The following CEBPD variants were observed in gnomAD, a reference collection of about 807,000 sequenced individuals.
The protein encoded by CEBPD is CCAAT/enhancer-binding protein delta.
For missense variants in CEBPD, 410 were observed against 409.4 expected, an observed-to-expected ratio of 1.00 and a Z score of -0.01; for synonymous variants, 227 against 194.8, an observed-to-expected ratio of 1.17 and a Z score of -1.38.
Position 47,737,154 on chromosome 8 carries a change from G to T in CEBPD, c.*157C>A, listed in dbSNP as rs2086263991. 4 of 557,774 alleles carry T rather than the reference G, an allele frequency of 7.2e-6. No individual in the cohort carries two copies. The highest frequency in any genetic ancestry group is 1.2e-5 in the Non-Finnish European group (4 of 330,390). The allele number at this position is 557,774 out of a possible 1,614,324, so 34.6% of individuals were successfully genotyped here. A position where few individuals can be genotyped will look rare whatever the true frequency, so the allele number is the denominator to read the frequency against. On this transcript the variant is annotated 3_prime_UTR_variant, in exon 1 of 1. Transcript: ENST00000408965. ...TAGCTTCTCTCGCAGTTTAGTGGTG[G>T]TAAGTCCAGGCTGTAGCTTCTTTGC...
At position 47,737,515 on chromosome 8, in the gene CEBPD, G is replaced by T; in HGVS notation, c.606C>A (p.Asn202Lys). 6.2e-7 allele frequency: 1 copy of T among 1,605,354 alleles called. No homozygotes were observed. Among genetic ancestry groups the T allele is most frequent in the Non-Finnish European group, 8.5e-7 (1 of 1,177,960 alleles). Residue 202 changes from asparagine (N) to lysine (K), a missense_variant, in exon 1 of 1, where the codon AAC (asparagine) becomes AAA (lysine). Asn to Lys is a moderately conservative substitution (Grantham distance 94). Coordinates refer to ENST00000408965, the MANE Select transcript of CEBPD (RefSeq NM_005195.4). Reference protein sequence around the residue: ...PEYRQRRERNNIAVRKSRDKA... With the variant: ...PEYRQRRERNKIAVRKSRDKA... ...TGTCGCGGCTCTTGCGCACGGCGAT[G>T]TTGTTGCGCTCGCGCCGCTGCCGGT...
rs1339334572 is a variant in CEBPD at position 47,737,937 on chromosome 8, T to G, written c.184A>C (p.Ser62Arg). 6.6e-7 allele frequency: 1 copy of G among 1,505,368 alleles called. No individual in the cohort carries two copies. The highest frequency in any genetic ancestry group is 8.9e-7 in the Non-Finnish European group (1 of 1,122,204). 93.3% of individuals were successfully genotyped at this position (1,505,368 alleles called of 1,614,324 possible). Residue 62 changes from serine to arginine, a missense_variant, in exon 1 of 1, where the codon AGC (serine) becomes CGC (arginine). Ser to Arg is a moderately radical substitution (Grantham distance 110, BLOSUM62 -1). Coordinates refer to ENST00000408965, the MANE Select transcript of CEBPD (RefSeq NM_005195.4). ...GCGGCCATGGAGTCGATGTAGGCGC[T>G]GAAGTCGATGGCGCTCTCGTCGTCG... ...MYDDESAIDFSAYIDSMAAVP... is the reference protein window; with the variant it reads ...MYDDESAIDFRAYIDSMAAVP...
chr8:47,738,052 G>T lies in CEBPD; in HGVS notation c.69C>A (p.Pro23=), dbSNP rs761116162. 7.1e-6 allele frequency: 9 copies of T among 1,260,284 alleles called. No homozygotes were observed. The highest frequency in any genetic ancestry group is 1.0e-6 in the Non-Finnish European group (1 of 1,003,692). 78.1% of individuals were successfully genotyped at this position (1,260,284 alleles called of 1,614,324 possible). A position where few individuals can be genotyped will look rare whatever the true frequency, so the allele number is the denominator to read the frequency against. The stretch of plus-strand genomic sequence containing the variant: ...TGCCCGCCCGGCCCGGTTCGTAGAA[G>T]GGCGCAGGCTCCGCAGGCCAGGGCG... ...RGAPWPAEPA[P]FYEPGRAGKP... The change falls in exon 1 of 1, where the codon CCC becomes CCA. Residue 23 remains proline, a synonymous_variant. Coordinates refer to ENST00000408965, the MANE Select transcript of CEBPD (RefSeq NM_005195.4). The surrounding 1 kb of genome is among the most constrained non-coding windows in gnomAD (Gnocchi z 4.1).
chr8:47,737,612 T>G lies in CEBPD; in HGVS notation c.509A>C (p.Gln170Pro). ...SPEPPRSSPR[Q>P]TPAPGPAREK... ...CCGGGCGGGGCCGGGCGCGGGGGTC[T>G]GCCTGGGGCTGCTGCGCGGCGGCTC... The change falls in exon 1 of 1, where the codon CAG becomes CCG. Residue 170 changes from glutamine to proline, a missense_variant. By Grantham distance (76) the Gln-to-Pro change is moderately conservative. Transcript: ENST00000408965. 4 of 1,339,414 alleles carry G rather than the reference T, an allele frequency of 3.0e-6. No homozygotes were observed. Among genetic ancestry groups the G allele is most frequent in the East Asian group, 6.2e-5 (2 of 32,216 alleles). The allele number at this position is 1,339,414 out of a possible 1,614,324, so 83.0% of individuals were successfully genotyped here. A position where few individuals can be genotyped will look rare whatever the true frequency, so the allele number is the denominator to read the frequency against.
chr8:47,737,424 G>A lies in CEBPD; in HGVS notation c.697C>T (p.Leu233=). 1 of 1,606,562 alleles carries A rather than the reference G, an allele frequency of 6.2e-7. No individual in the cohort carries two copies. Among genetic ancestry groups the A allele is most frequent in the Non-Finnish European group, 8.5e-7 (1 of 1,178,178 alleles). Reference sequence around the variant, plus strand: ...GTGAGCTGCTCCACGCGCTGGTGCAGCTTCTCGTTCTCAGCCGACAGCTCC... The same window carrying A: ...GTGAGCTGCTCCACGCGCTGGTGCAACTTCTCGTTCTCAGCCGACAGCTCC... The part of the protein sequence containing the change: ...LVELSAENEK[L]HQRVEQLTRD... Residue 233 remains leucine (L), a synonymous_variant, in exon 1 of 1, where the codon CTG becomes TTG. Transcript: ENST00000408965.
chr8:47,737,229 G>A lies in CEBPD; in HGVS notation c.*82C>T, dbSNP rs1006573377. ...GCGGGCACCCGGCGGCTCTGGCTGC[G>A]CCAGGGCAGGGCGCGCTCCGCTCCG... On this transcript the variant is annotated 3_prime_UTR_variant, in exon 1 of 1. Coordinates refer to ENST00000408965, the MANE Select transcript of CEBPD (RefSeq NM_005195.4). 4.5e-6 allele frequency: 6 copies of A among 1,332,410 alleles called. No homozygotes were observed. Among genetic ancestry groups the A allele is most frequent in the Non-Finnish European group, 5.0e-6 (5 of 1,001,456 alleles). 82.5% of individuals were successfully genotyped at this position (1,332,410 alleles called of 1,614,324 possible).
Position 47,737,028 on chromosome 8 carries a change from G to T in CEBPD, c.*283C>A, listed in dbSNP as rs945689840. ...ACAAAGGGTTTGTCTGAAAAGTCTG[G>T]TTTTTTTTCTTTTTACAAATGTACC... is the stretch of plus-strand genomic sequence containing the variant. On this transcript the variant is annotated 3_prime_UTR_variant, in exon 1 of 1. Coordinates refer to ENST00000408965, the MANE Select transcript of CEBPD (RefSeq NM_005195.4). The T allele has an allele frequency of 5.3e-4, 206 of 387,590 alleles. No individual in the cohort carries two copies. Among genetic ancestry groups the T allele is most frequent in the Non-Finnish European group, 7.1e-4 (155 of 218,886 alleles). The allele number at this position is 387,590 out of a possible 1,614,324, so 24.0% of individuals were successfully genotyped here.
chr8:47,737,447 T>C lies in CEBPD; in HGVS notation c.674A>G (p.Glu225Gly). 6.2e-7 allele frequency: 1 copy of C among 1,608,246 alleles called. No homozygotes were observed. Among genetic ancestry groups the C allele is most frequent in the South Asian group, 1.1e-5 (1 of 90,480 alleles). Residue 225 changes from glutamate to glycine, a missense_variant, in exon 1 of 1, where the codon GAG becomes GGG. By Grantham distance (98) the Glu-to-Gly change is moderately conservative (BLOSUM62 -2). Coordinates refer to ENST00000408965, the MANE Select transcript of CEBPD (RefSeq NM_005195.4). Reference sequence around the variant, plus strand: ...CAGCTTCTCGTTCTCAGCCGACAGCTCCACCAACTTCTGCTGCATCTCCTG... The same window carrying C: ...CAGCTTCTCGTTCTCAGCCGACAGCCCCACCAACTTCTGCTGCATCTCCTG... ...RNQEMQQKLV[E>G]LSAENEKLHQ...
rs772644825 is a variant in CEBPD, at chr8:47,737,389, C to G, written c.732G>C (p.Leu244=). The G allele has an allele frequency of 1.9e-6, 3 of 1,601,504 alleles. No homozygotes were observed. In the Admixed American group the frequency reaches 5.1e-5, roughly 27 times the overall value. Residue 244 remains leucine, a synonymous_variant, in exon 1 of 1, where the codon CTG becomes CTC. Transcript: ENST00000408965. ...GCTTGAAGAACTGCCGGAGGCCGGC[C>G]AGGTCCCGCGTGAGCTGCTCCACGC... The part of the protein sequence containing the change: ...HQRVEQLTRD[L]AGLRQFFKQL...
chr8:47,737,300 C>T lies in CEBPD; in HGVS notation c.*11G>A. 1 of 1,583,284 alleles carries T rather than the reference C, an allele frequency of 6.3e-7. No homozygotes were observed. The highest frequency in any genetic ancestry group is 8.6e-7 in the Non-Finnish European group (1 of 1,166,728). On this transcript the variant is annotated 3_prime_UTR_variant, in exon 1 of 1. Coordinates refer to ENST00000408965, the MANE Select transcript of CEBPD (RefSeq NM_005195.4). ...GGGTCGTTGCTGAGTCTCTCCCGCCCCGGCCGCGCGTTACCGGCAGTCTGC... is the reference window on the plus strand; with the variant it reads ...GGGTCGTTGCTGAGTCTCTCCCGCCTCGGCCGCGCGTTACCGGCAGTCTGC...
Position 47,737,685 on chromosome 8 carries a change from C to T in CEBPD, c.436G>A (p.Val146Met). 4.9e-6 allele frequency: 6 copies of T among 1,231,008 alleles called. No individual in the cohort carries two copies. The highest frequency in any genetic ancestry group is 6.1e-6 in the Non-Finnish European group (6 of 990,374). The allele number at this position is 1,231,008 out of a possible 1,614,324, so 76.3% of individuals were successfully genotyped here. Residue 146 changes from valine to methionine, a missense_variant, in exon 1 of 1, where the codon GTG becomes ATG. Transcript: ENST00000408965. Reference sequence around the variant, plus strand: ...TGCCCTGCGGCCGCCAAGCTCACCACGGTCTGTGCGCACGCGGCCACCTGC... The same window carrying T: ...TGCCCTGCGGCCGCCAAGCTCACCATGGTCTGTGCGCACGCGGCCACCTGC... ...PAQVAACAQT[V>M]VSLAAAGQPT...
chr8:47,737,906 G>A lies in CEBPD; in HGVS notation c.215C>T (p.Pro72Leu). 1 of 1,510,082 alleles carries A rather than the reference G, an allele frequency of 6.6e-7. No individual in the cohort carries two copies. Among genetic ancestry groups the A allele is most frequent in the South Asian group, 1.2e-5 (1 of 81,004 alleles). The allele number at this position is 1,510,082 out of a possible 1,614,324, so 93.5% of individuals were successfully genotyped here. A position where few individuals can be genotyped will look rare whatever the true frequency, so the allele number is the denominator to read the frequency against. The change falls in exon 1 of 1, where the codon CCC becomes CTC. Residue 72 changes from proline to leucine, a missense_variant. Pro to Leu is a moderately conservative substitution (Grantham distance 98). Coordinates refer to ENST00000408965, the MANE Select transcript of CEBPD (RefSeq NM_005195.4). ...SAYIDSMAAV[P>L]TLELCHDELF... Reference sequence around the variant, plus strand: ...CTCGTCGTGGCACAGCTCCAGGGTGGGCACGGCGGCCATGGAGTCGATGTA... The same window carrying A: ...CTCGTCGTGGCACAGCTCCAGGGTGAGCACGGCGGCCATGGAGTCGATGTA...
At position 47,737,344 on chromosome 8, in the gene CEBPD, G is replaced by A. The variant is rs2086268594; in HGVS notation, c.777C>T (p.Phe259=). 6 of 1,596,116 alleles carry A rather than the reference G, an allele frequency of 3.8e-6. No individual in the cohort carries two copies. The highest frequency in any genetic ancestry group is 5.1e-6 in the Non-Finnish European group (6 of 1,173,560). The change falls in exon 1 of 1, where the codon TTC becomes TTT. Residue 259 remains phenylalanine, a synonymous_variant. Coordinates refer to ENST00000408965, the MANE Select transcript of CEBPD (RefSeq NM_005195.4). ...QFFKQLPSPP[F]LPAAGTADCR Reference sequence around the variant, plus strand: ...AGTCTGCTGTCCCGGCGGCCGGCAGGAAGGGCGGGCTGGGCAGCTGCTTGA... The same window carrying A: ...AGTCTGCTGTCCCGGCGGCCGGCAGAAAGGGCGGGCTGGGCAGCTGCTTGA...
At position 47,737,971 on chromosome 8, in the gene CEBPD, G is replaced by T. The variant is rs1187740084; in HGVS notation, c.150C>A (p.Pro50=). The T allele has an allele frequency of 1.6e-5, 24 of 1,474,976 alleles. No homozygotes were observed. The highest frequency in any genetic ancestry group is 2.1e-5 in the Non-Finnish European group (23 of 1,107,796). 91.4% of individuals were successfully genotyped at this position (1,474,976 alleles called of 1,614,324 possible). A position where few individuals can be genotyped will look rare whatever the true frequency, so the allele number is the denominator to read the frequency against. Residue 50 remains proline (P), a synonymous_variant, in exon 1 of 1, where the codon CCC becomes CCA. Coordinates refer to ENST00000408965, the MANE Select transcript of CEBPD (RefSeq NM_005195.4). ...GALGEPGAAA[P]AMYDDESAID... is the part of the protein sequence containing the mutation. ...TGGCGCTCTCGTCGTCGTACATGGC[G>T]GGGGCGGCGGCGCCTGGCTCGCCTA... is the stretch of plus-strand genomic sequence containing the variant.
At position 47,737,338 on chromosome 8, in the gene CEBPD, C is replaced by A. The variant is rs1444999549; in HGVS notation, c.783G>T (p.Pro261=). Residue 261 remains proline (P), a synonymous_variant, in exon 1 of 1, where the codon CCG becomes CCT. Transcript: ENST00000408965. ...FKQLPSPPFL[P]AAGTADCR ...ACCGGCAGTCTGCTGTCCCGGCGGC[C>A]GGCAGGAAGGGCGGGCTGGGCAGCT... The A allele has an allele frequency of 1.1e-5, 17 of 1,594,940 alleles. No homozygotes were observed. In the Admixed American group the frequency reaches 2.9e-4, roughly 27 times the overall value.
chr8:47,737,963 T>C lies in CEBPD; in HGVS notation c.158A>G (p.Tyr53Cys). 6.7e-7 allele frequency: 1 copy of C among 1,488,354 alleles called. No individual in the cohort carries two copies. The highest frequency in any genetic ancestry group is 2.8e-5 in the East Asian group (1 of 36,128). The allele number at this position is 1,488,354 out of a possible 1,614,324, so 92.2% of individuals were successfully genotyped here. A position where few individuals can be genotyped will look rare whatever the true frequency, so the allele number is the denominator to read the frequency against. ...GEPGAAAPAM[Y>C]DDESAIDFSA... is the part of the protein sequence containing the mutation. ...GAAGTCGATGGCGCTCTCGTCGTCG[T>C]ACATGGCGGGGGCGGCGGCGCCTGG... Residue 53 changes from tyrosine to cysteine, a missense_variant, in exon 1 of 1, where the codon TAC becomes TGC. By Grantham distance (194) the Tyr-to-Cys change is radical. Coordinates refer to ENST00000408965, the MANE Select transcript of CEBPD (RefSeq NM_005195.4).
chr8:47,737,941 G>A lies in CEBPD; in HGVS notation c.180C>T (p.Asp60=). ...PAMYDDESAI[D]FSAYIDSMAA... ...CCATGGAGTCGATGTAGGCGCTGAA[G>A]TCGATGGCGCTCTCGTCGTCGTACA... Residue 60 remains aspartate, a synonymous_variant, in exon 1 of 1, where the codon GAC becomes GAT. Transcript: ENST00000408965. 1.3e-6 allele frequency: 2 copies of A among 1,503,950 alleles called. No individual in the cohort carries two copies. Among genetic ancestry groups the A allele is most frequent in the African/African-American group, 2.9e-5 (2 of 69,492 alleles). 93.2% of individuals were successfully genotyped at this position (1,503,950 alleles called of 1,614,324 possible).
chr8:47,738,096 C>T lies in CEBPD; in HGVS notation c.25G>A (p.Asp9Asn). Residue 9 changes from aspartate (D) to asparagine (N), a missense_variant, in exon 1 of 1, where the codon GAC becomes AAC. Coordinates refer to ENST00000408965, the MANE Select transcript of CEBPD (RefSeq NM_005195.4). The surrounding 1 kb of genome is among the most constrained non-coding windows in gnomAD (Gnocchi z 4.1). Reference protein sequence around the residue: MSAALFSLDGPARGAPWPA... With the variant: MSAALFSLNGPARGAPWPA... ...CAGGGCGCGCCGCGCGCCGGGCCGT[C>T]CAGGCTGAAGAGCGCGGCGCTCATG... 8.4e-7 allele frequency: 1 copy of T among 1,187,474 alleles called. No homozygotes were observed. Among genetic ancestry groups the T allele is most frequent in the Non-Finnish European group, 1.0e-6 (1 of 960,396 alleles). The allele number at this position is 1,187,474 out of a possible 1,614,324, so 73.6% of individuals were successfully genotyped here. A position where few individuals can be genotyped will look rare whatever the true frequency, so the allele number is the denominator to read the frequency against.
Position 47,737,379 on chromosome 8 carries a change from G to C in CEBPD, c.742C>G (p.Arg248Gly). ...CTGGGCAGCTGCTTGAAGAACTGCC[G>C]GAGGCCGGCCAGGTCCCGCGTGAGC... ...EQLTRDLAGL[R>G]QFFKQLPSPP... is the part of the protein sequence containing the mutation. The change falls in exon 1 of 1, where the codon CGG (arginine) becomes GGG (glycine). Residue 248 changes from arginine (R) to glycine (G), a missense_variant. Coordinates refer to ENST00000408965, the MANE Select transcript of CEBPD (RefSeq NM_005195.4). 1 of 1,600,956 alleles carries C rather than the reference G, an allele frequency of 6.2e-7. No individual in the cohort carries two copies. Among genetic ancestry groups the C allele is most frequent in the Non-Finnish European group, 8.5e-7 (1 of 1,175,850 alleles).
Sources: allele counts gnomAD v4.1 joint callset, GRCh38; gene constraint gnomAD v4.1.1; non-coding constraint Gnocchi (gnomAD v3.1); transcripts MANE v1.5; gene names NCBI Gene and HGNC (gene_info 2026-07-23, HGNC 2026-07-21).